KCNH1: variants seen among roughly 807,000 people sequenced by gnomAD.
KCNH1 encodes potassium voltage-gated channel subfamily H member 1.
In KCNH1, 27 loss-of-function variants were observed where a neutral mutation model predicts 69.2. The ratio of observed to expected loss-of-function variants is 0.39; its 90% CI spans 0.29 to 0.54. The LOEUF (loss-of-function observed/expected upper bound fraction) is 0.54, where lower values mean the gene tolerates loss of function less well. KCNH1 is among the 20% of genes least tolerant of loss of function. KCNH1 has a pLI of 0.68. For missense variants in KCNH1, 798 were observed against 1,261.6 expected (o/e 0.63, Z 5.57); for synonymous variants, 456 against 487.7 (o/e 0.93, Z 0.86).
At chr1:211,119,958 A>C (rs1691657952) in intron 1 of KCNH1, among the ~76,000 whole-genome samples, 2 of 152,214 alleles carry the variant, frequency 1.3e-5, no homozygotes, top group Admixed American at 6.5e-5. Context: ...TTCATTCAGC[A>C]TCAAATTAAT....
intron 7 of KCNH1, chr1:210,861,030 G>C: frequency 1.9e-6 from 2 of 1,051,468 alleles, no homozygotes; most frequent in Non-Finnish European, 3.0e-6. Context: ...GTAAGAATCT[G>C]GTAACAAAAT....
intron 7 of KCNH1, among the ~76,000 whole-genome samples, chr1:210,882,743 C>T (rs1333108435): frequency 1.3e-5 from 2 of 152,068 alleles, no homozygotes; most frequent in Non-Finnish European, 2.9e-5. Flanking sequence ...TCTTTTCAGG[C>T]TGAATGTGCT....
chr1:210,798,277 G>T (rs1037754726), intron 8 of KCNH1, among the ~76,000 whole-genome samples: 1 of 152,102 alleles, frequency 6.6e-6, no homozygotes, highest in Non-Finnish European at 1.5e-5. Context: ...CTGACCTCGT[G>T]ATCCGCCCGC....
intron 10 of KCNH1, among the ~76,000 whole-genome samples, chr1:210,704,152 A>G (rs1227580738): frequency 6.6e-6 from 1 of 152,234 alleles, no homozygotes; most frequent in East Asian, 1.9e-4. Context: ...CCACCTGAGA[A>G]CATGTGTCGA....
intron 5 of KCNH1, among the ~76,000 whole-genome samples, chr1:211,070,460 A>ACACACACACAC (rs1553376632): frequency 7.8e-6 from 1 of 128,878 alleles, no homozygotes; most frequent in African/African-American, 2.9e-5. Flanking sequence ...CACACACACA[A>ACACACACACAC]ACAAACAAAT....
intron 1 of KCNH1, among the ~76,000 whole-genome samples, chr1:211,116,655 CTGTT>C (rs1691589437): frequency 6.6e-6 from 1 of 152,164 alleles, no homozygotes; most frequent in Non-Finnish European, 1.5e-5. Context: ...AGGAATCACT[CTGTT>C]TGTCTTGGTC....
chr1:211,112,392 C>A (rs777530376), intron 1 of KCNH1, among the ~76,000 whole-genome samples: 12 of 151,580 alleles, frequency 7.9e-5, no homozygotes, highest in Non-Finnish European at 1.8e-4. Context: ...GCTCCTCTGC[C>A]CCGCCGCTGT....
intron 3 of KCNH1, among the ~76,000 whole-genome samples, chr1:211,095,348 T>C (rs1321639145): frequency 6.6e-6 from 1 of 152,192 alleles, no homozygotes; most frequent in African/African-American, 2.4e-5. Context: ...ATAACCCTAC[T>C]GATGGCAGAG....
At chr1:210,898,281 C>T (rs1230187935) in intron 7 of KCNH1, among the ~76,000 whole-genome samples, 1 of 152,078 alleles carries the variant, frequency 6.6e-6, no homozygotes, top group Non-Finnish European at 1.5e-5. Flanking sequence ...ATCATCCCAC[C>T]ACACTGGGGA....
intron 1 of KCNH1, chr1:211,132,484 C>A (rs1691894875): frequency 6.6e-6 from 1 of 152,090 alleles, no homozygotes; most frequent in South Asian, 2.1e-4. Context: ...TCTTAAGAGG[C>A]ACACAATAAA....
At chr1:210,737,171 G>A (rs761291854) in intron 10 of KCNH1, among the ~76,000 whole-genome samples, 2 of 152,180 alleles carry the variant, frequency 1.3e-5, no homozygotes, top group Non-Finnish European at 2.9e-5. Flanking sequence ...AGAGAGAAAG[G>A]GTAGTCACTG....
intron 7 of KCNH1, among the ~76,000 whole-genome samples, chr1:210,845,061 G>A (rs188331193): frequency 1.8e-3 from 280 of 152,180 alleles, no homozygotes; most frequent in African/African-American, 6.2e-3. Flanking sequence ...ACCAATAACC[G>A]GCTCTGAAAT....
intron 10 of KCNH1, among the ~76,000 whole-genome samples, chr1:210,693,236 GC>G (rs890693892): frequency 6.6e-6 from 1 of 152,118 alleles, no homozygotes; most frequent in Non-Finnish European, 1.5e-5. Context: ...CATGAGAGAA[GC>G]CCCCCTCCCT....
intron 10 of KCNH1, among the ~76,000 whole-genome samples, chr1:210,704,228 A>G (rs977330455): frequency 5.9e-5 from 9 of 152,112 alleles, no homozygotes; most frequent in African/African-American, 2.2e-4. Context: ...GGAGCAGTAC[A>G]ATGCTCTGCT....
intron 9 of KCNH1, among the ~76,000 whole-genome samples, chr1:210,793,452 A>C (rs546484734): frequency 2.1e-4 from 32 of 152,386 alleles, no homozygotes; most frequent in African/African-American, 7.5e-4. Flanking sequence ...TTTGCAATGT[A>C]ATATACATTT....
At chr1:211,048,084 C>T (rs957085360) in intron 5 of KCNH1, among the ~76,000 whole-genome samples, 2 of 152,264 alleles carry the variant, frequency 1.3e-5, no homozygotes, top group Admixed American at 6.5e-5. Flanking sequence ...TTAAAAAATG[C>T]TCAACATCAC....
chr1:211,101,283 C>A (rs976568095), intron 3 of KCNH1, among the ~76,000 whole-genome samples: 1 of 151,348 alleles, frequency 6.6e-6, no homozygotes, highest in African/African-American at 2.4e-5. Flanking sequence ...GGTAGTGGGT[C>A]AATAAAAAGC....
In KCNH1 at chr1:210,763,976, C is replaced by T. The variant is rs77439129; in HGVS notation, c.2112+11372G>A. Among the ~76,000 whole-genome samples the T allele has an allele frequency of 5.9e-5, 9 of 152,062 alleles. No individual in the cohort carries two copies. The East Asian group carries it at 1.5e-3, about 26-fold the overall frequency. The stretch of plus-strand genomic sequence containing the variant: ...CATTATCCAACTTCAAAGTACATTA[C>T]GAGGTTACAGTAACAAAAACAGCAT... On this transcript the variant is annotated intron_variant, in intron 10 of 10. Transcript: ENST00000271751.
chr1:211,097,652 A>G (rs968776399), intron 3 of KCNH1, among the ~76,000 whole-genome samples: 2 of 152,354 alleles, frequency 1.3e-5, no homozygotes, highest in East Asian at 3.9e-4. Context: ...TCAAAGGCAG[A>G]GTCAGTTTCT....
Sources: allele counts gnomAD v4.1 joint callset (sites outside exome capture counted in the v4.1 genomes callset), GRCh38; gene constraint gnomAD v4.1.1; transcripts MANE v1.5; gene names NCBI Gene and HGNC (gene_info 2026-07-23, HGNC 2026-07-21).